ALOX5: variants seen among roughly 807,000 people sequenced by gnomAD.
ALOX5 encodes the protein arachidonate 5-lipoxygenase.
ALOX5 carries 64 observed loss-of-function variants against 87.9 expected under a neutral mutation model. That is an observed-to-expected ratio of 0.73 (90% CI 0.60 to 0.90). The LOEUF (loss-of-function observed/expected upper bound fraction) is 0.90. Ranked by LOEUF, ALOX5 falls within the 40% of genes least tolerant of loss-of-function variation. The probability of loss-of-function intolerance (pLI) is 0.00; values close to 1 mark genes in which losing one functional copy is unlikely to be tolerated. For synonymous variants in ALOX5, 388 were observed against 355.1 expected (o/e 1.09, Z -1.04); for missense variants, 822 against 907.5 (o/e 0.91, Z 1.21).
chr10:45,426,388 T>C (rs1412118830), intron 6 of ALOX5, among the ~76,000 whole-genome samples: 1 of 152,148 alleles, frequency 6.6e-6, no homozygotes, highest in Non-Finnish European at 1.5e-5. Context: ...CCTCACTGAC[T>C]AGACTCTTAA....
At chr10:45,418,658 C>T (rs1554795418) in intron 4 of ALOX5, among the ~76,000 whole-genome samples, 2 of 152,218 alleles carry the variant, frequency 1.3e-5, no homozygotes, top group East Asian at 1.9e-4. Flanking sequence ...GGCAGAGGTA[C>T]GTGGGGCCTG....
intron 7 of ALOX5, among the ~76,000 whole-genome samples, chr10:45,434,965 CT>C (rs1184345496): frequency 6.6e-6 from 1 of 152,210 alleles, no homozygotes; most frequent in East Asian, 1.9e-4. Flanking sequence ...AGCACATATT[CT>C]TTTCTAATCA....
chr10:45,382,292 A>G lies in ALOX5; in HGVS notation c.151-191A>G, dbSNP rs556094620. 2.0e-5 allele frequency among the ~76,000 whole-genome samples: 3 copies of G among 152,270 alleles called. No homozygotes were observed. In the East Asian group the frequency reaches 5.8e-4, roughly 29 times the overall value. On this transcript the variant is annotated intron_variant, in intron 1 of 13. Coordinates refer to ENST00000374391, the MANE Select transcript of ALOX5 (RefSeq NM_000698.5). ...ATAGTGAGGACATCTTTCATAGGGGACTTTCATCTCCTGCTTCTAAGAAAC... is the reference window on the plus strand; with the variant it reads ...ATAGTGAGGACATCTTTCATAGGGGGCTTTCATCTCCTGCTTCTAAGAAAC...
chr10:45,382,063 C>G (rs1221855079), intron 1 of ALOX5, among the ~76,000 whole-genome samples: 1 of 152,194 alleles, frequency 6.6e-6, no homozygotes, highest in Admixed American at 6.5e-5. Context: ...CCCCAAGAAG[C>G]AGTTAGAGTC....
intron 3 of ALOX5, among the ~76,000 whole-genome samples, chr10:45,397,652 C>G (rs1054833701): frequency 3.3e-5 from 5 of 151,896 alleles, no homozygotes; most frequent in African/African-American, 1.2e-4. Flanking sequence ...TAATAAACCA[C>G]CAAGATTGCA....
intron 1 of ALOX5, among the ~76,000 whole-genome samples, chr10:45,381,621 C>G (rs1044717239): frequency 6.6e-6 from 1 of 152,226 alleles, no homozygotes; most frequent in Non-Finnish European, 1.5e-5. Context: ...GGGGCAGCTG[C>G]GGACCCTCAC....
intron 7 of ALOX5, among the ~76,000 whole-genome samples, chr10:45,435,560 C>T (rs1056072357): frequency 6.6e-6 from 1 of 152,176 alleles, no homozygotes; most frequent in Admixed American, 6.5e-5. Flanking sequence ...AAGATTATGG[C>T]TTAAGTGCCA....
At chr10:45,384,005 AAAC>A (rs1260287469) in intron 2 of ALOX5, among the ~76,000 whole-genome samples, 2 of 152,164 alleles carry the variant, frequency 1.3e-5, no homozygotes, top group African/African-American at 4.8e-5. Context: ...TCTTGGCAAA[AAAC>A]AGATGGTACA....
At chr10:45,444,036 A>C (rs1171771613) in intron 12 of ALOX5, 80 bp from the exon 13 acceptor site, 7 of 1,467,660 alleles carry the variant, frequency 4.8e-6, no homozygotes, top group Non-Finnish European at 6.3e-6. Context: ...GTTGGGGGGC[A>C]CGGGGAGGAC....
At chr10:45,426,222 C>G (rs887732667) in intron 6 of ALOX5, among the ~76,000 whole-genome samples, 3 of 152,222 alleles carry the variant, frequency 2.0e-5, no homozygotes, top group African/African-American at 7.2e-5. Flanking sequence ...CATATAGAAT[C>G]CTAGAATTGG....
chr10:45,441,213 C>G (rs1291594496), intron 8 of ALOX5, 131 bp from the exon 9 acceptor site: 1 of 742,412 alleles, frequency 1.3e-6, no homozygotes, highest in East Asian at 2.5e-5. Context: ...AGATCAGCAC[C>G]CAGCCTTCAC....
intron 1 of ALOX5, among the ~76,000 whole-genome samples, chr10:45,378,253 AG>A (rs146959261): frequency 0.016 from 2,440 of 152,250 alleles, 60 homozygotes; most frequent in African/African-American, 0.057. Context: ...GGTACAAACC[AG>A]GGCTCAAAGC....
At chr10:45,429,071 G>A (rs1841830282) in intron 7 of ALOX5, among the ~76,000 whole-genome samples, 1 of 152,178 alleles carries the variant, frequency 6.6e-6, no homozygotes, top group African/African-American at 2.4e-5. Context: ...CCAGGCAGGT[G>A]AAGCTGTGGA....
chr10:45,374,563 C>T (rs1588970765), intron 1 of ALOX5, 134 bp downstream of exon 1: 2 of 882,038 alleles, frequency 2.3e-6, no homozygotes, highest in Middle Eastern at 3.3e-4. Context: ...GTCCAGGACC[C>T]TGTCAGGGAG....
chr10:45,423,933 C>T, intron 4 of ALOX5, 108 bp from the exon 5 acceptor site: 2 of 833,432 alleles, frequency 2.4e-6, no homozygotes, highest in Non-Finnish European at 4.0e-6. Flanking sequence ...TGCAGAGCTG[C>T]CTGGAGGGGG....
At chr10:45,444,526 AG>A (rs1210756689) in intron 13 of ALOX5, 1 of 492,128 alleles carries the variant, frequency 2.0e-6, no homozygotes. Context: ...CTGTCACCAG[AG>A]GGTCGTGTGT....
At chr10:45,396,472 C>T (rs1219341376) in intron 3 of ALOX5, among the ~76,000 whole-genome samples, 1 of 152,110 alleles carries the variant, frequency 6.6e-6, no homozygotes, top group East Asian at 1.9e-4. Context: ...TGCATGCCAA[C>T]AAACTAGTTA....
intron 6 of ALOX5, among the ~76,000 whole-genome samples, chr10:45,427,889 G>A (rs1292752377): frequency 6.6e-6 from 1 of 152,172 alleles, no homozygotes; most frequent in Non-Finnish European, 1.5e-5. Context: ...CCGCGGGTCA[G>A]CAAGCCCGAC....
intron 3 of ALOX5, among the ~76,000 whole-genome samples, chr10:45,403,550 G>A (rs1326933633): frequency 6.6e-6 from 1 of 152,108 alleles, no homozygotes; most frequent in Non-Finnish European, 1.5e-5. Context: ...TCGTACAGGT[G>A]TTTTGTACAT....
Sources: allele counts gnomAD v4.1 joint callset (sites outside exome capture counted in the v4.1 genomes callset), GRCh38; gene constraint gnomAD v4.1.1; transcripts MANE v1.5; gene names NCBI Gene and HGNC (gene_info 2026-07-23, HGNC 2026-07-21).